The following OLFM2 variants were observed in gnomAD, a reference collection of about 807,000 sequenced individuals.
OLFM2 encodes the protein noelin-2.
In OLFM2, 20 loss-of-function variants were observed where a neutral mutation model predicts 43.9. That is an observed-to-expected ratio of 0.46 (90% confidence interval 0.32 to 0.66). The LOEUF is 0.66. Among genes scored for constraint, OLFM2 ranks in the 30% least tolerant of loss-of-function variants. The probability of loss-of-function intolerance (pLI) is 0.04; values close to 1 mark genes in which losing one functional copy is unlikely to be tolerated. For synonymous variants in OLFM2, 268 were observed against 278.6 expected (o/e 0.96, Z 0.38); for missense variants, 416 against 643.6 (o/e 0.65, Z 3.83).
intron 1 of OLFM2, among the ~76,000 whole-genome samples, chr19:9,884,032 C>T (rs1480352581): frequency 2.8e-4 from 42 of 152,046 alleles, no homozygotes; most frequent in Admixed American, 2.8e-3. Flanking sequence ...CTTTGGGAGG[C>T]CGGGGTGAAA....
At position 9,860,772 on chromosome 19, in the gene OLFM2, T is replaced by C; in HGVS notation, c.86A>G (p.Glu29Gly). 6.2e-7 allele frequency: 1 copy of C among 1,608,428 alleles called. No individual in the cohort carries two copies. The highest frequency in any genetic ancestry group is 8.5e-7 in the Non-Finnish European group (1 of 1,178,382). ...GGCTGAGGTGTACAGCTGCCAGCCC[T>C]CTTCTGGGTTCTGGAAGAGAGTCTG... ...AGQTLFQNPEEGWQLYTSAQA... is the reference protein window; with the variant it reads ...AGQTLFQNPEGGWQLYTSAQA... The change falls in exon 2 of 6, where the codon GAG (glutamate) becomes GGG (glycine). Residue 29 changes from glutamate (E) to glycine (G), a missense_variant. Coordinates refer to ENST00000264833, the MANE Select transcript of OLFM2 (RefSeq NM_058164.4).
At chr19:9,932,564 C>G (rs1484802203) in intron 1 of OLFM2, among the ~76,000 whole-genome samples, 1 of 151,912 alleles carries the variant, frequency 6.6e-6, no homozygotes, top group Non-Finnish European at 1.5e-5. Flanking sequence ...GGGTGAGCCT[C>G]TTGGAGGAGG....
chr19:9,869,422 TTCGC>T (rs924415543), intron 1 of OLFM2, among the ~76,000 whole-genome samples: 32 of 152,248 alleles, frequency 2.1e-4, no homozygotes, highest in African/African-American at 7.7e-4. Context: ...GGCTTCACCA[TTCGC>T]TTGCTGTGTG....
intron 1 of OLFM2, among the ~76,000 whole-genome samples, chr19:9,920,897 A>T (rs2086415180): frequency 6.7e-6 from 1 of 149,830 alleles, no homozygotes; most frequent in Admixed American, 6.7e-5. Flanking sequence ...ACAGAGTGAG[A>T]CTCCATCTTG....
In OLFM2 at chr19:9,857,919, A is replaced by G; in HGVS notation, c.214-58T>C. 1 of 1,608,424 alleles carries G rather than the reference A, an allele frequency of 6.2e-7. No individual in the cohort carries two copies. The highest frequency in any genetic ancestry group is 8.5e-7 in the Non-Finnish European group (1 of 1,176,398). On this transcript the variant is annotated intron_variant, in intron 2 of 5. Transcript: ENST00000264833. The surrounding 1 kb of genome is among the most constrained non-coding windows in gnomAD (Gnocchi z 5.7). ...TCCTTCCCCAAATCCCAACCCAGAG[A>G]TGCCACAGACAAGAGCTGGCAGGAA...
At chr19:9,858,439 A>G (rs1599464389) in intron 2 of OLFM2, among the ~76,000 whole-genome samples, 1 of 151,788 alleles carries the variant, frequency 6.6e-6, no homozygotes, top group Non-Finnish European at 1.5e-5. Flanking sequence ...GTAGCCGCTC[A>G]CTCACTCTCC....
At position 9,857,241 on chromosome 19, in the gene OLFM2, A is replaced by G; in HGVS notation, c.580+22T>C. On this transcript the variant is annotated intron_variant, in intron 4 of 5. Transcript: ENST00000264833. This position sits in a 1 kb window ranked among gnomAD's most constrained non-coding sequence, Gnocchi z 5.7. ...GTGTGGCAGTCAGAGATCAGGGGTCAGGGTCAAGGGCCAAGGCATACCCAG... is the reference window on the plus strand; with the variant it reads ...GTGTGGCAGTCAGAGATCAGGGGTCGGGGTCAAGGGCCAAGGCATACCCAG... 6.2e-7 allele frequency: 1 copy of G among 1,606,632 alleles called. No individual in the cohort carries two copies. Among genetic ancestry groups the G allele is most frequent in the Non-Finnish European group, 8.5e-7 (1 of 1,174,448 alleles).
intron 1 of OLFM2, among the ~76,000 whole-genome samples, chr19:9,878,386 T>C (rs943622015): frequency 3.2e-4 from 41 of 130,054 alleles, no homozygotes; most frequent in Middle Eastern, 4.1e-3. Context: ...TCTCTCTTTT[T>C]TTTTTTTTTT....
At chr19:9,891,353 A>G (rs2046638390) in intron 1 of OLFM2, among the ~76,000 whole-genome samples, 1 of 147,272 alleles carries the variant, frequency 6.8e-6, no homozygotes, top group East Asian at 2.0e-4. Flanking sequence ...GGCCAGGCAC[A>G]GTGGCTCACA....
chr19:9,867,428 G>A (rs1427726936), intron 1 of OLFM2, among the ~76,000 whole-genome samples: 1 of 152,230 alleles, frequency 6.6e-6, no homozygotes, highest in Non-Finnish European at 1.5e-5. Flanking sequence ...CCCTGGGGAC[G>A]GAGGCATTGC....
At chr19:9,894,130 T>C (rs1280627416) in intron 1 of OLFM2, among the ~76,000 whole-genome samples, 1 of 151,846 alleles carries the variant, frequency 6.6e-6, no homozygotes, top group Non-Finnish European at 1.5e-5. Context: ...CCATATCTAC[T>C]AAAAATACAA....
intron 1 of OLFM2, among the ~76,000 whole-genome samples, chr19:9,922,043 G>A (rs894676722): frequency 1.3e-5 from 2 of 150,846 alleles, no homozygotes; most frequent in African/African-American, 2.4e-5. Flanking sequence ...GCAGTGAGCC[G>A]TAATTGCACC....
At chr19:9,880,248 G>A (rs185559181) in intron 1 of OLFM2, among the ~76,000 whole-genome samples, 141 of 152,268 alleles carry the variant, frequency 9.3e-4, no homozygotes, top group African/African-American at 3.3e-3. Context: ...GAGTCAGCAT[G>A]GGCAAAGGCA....
Position 9,857,971 on chromosome 19 carries a change from C to T in OLFM2, c.214-110G>A. On this transcript the variant is annotated intron_variant, in intron 2 of 5. Coordinates refer to ENST00000264833, the MANE Select transcript of OLFM2 (RefSeq NM_058164.4). The surrounding 1 kb of genome is among the most constrained non-coding windows in gnomAD (Gnocchi z 5.7). Reference sequence around the variant, plus strand: ...AGAGGCTGTACAAACACCACACCGACGAGGCCACCTTCTCCTCCCCTGAGC... The same window carrying T: ...AGAGGCTGTACAAACACCACACCGATGAGGCCACCTTCTCCTCCCCTGAGC... 1.1e-5 allele frequency: 15 copies of T among 1,369,062 alleles called. No homozygotes were observed. The highest frequency in any genetic ancestry group is 2.4e-5 in the East Asian group (1 of 42,026). 84.8% of individuals were successfully genotyped at this position (1,369,062 alleles called of 1,614,324 possible).
chr19:9,928,418 C>T (rs1264444062), intron 1 of OLFM2, among the ~76,000 whole-genome samples: 2 of 152,048 alleles, frequency 1.3e-5, no homozygotes, highest in African/African-American at 4.8e-5. Flanking sequence ...TTAAGCAAGG[C>T]TAGTTACTAG....
chr19:9,853,742 T>C lies in OLFM2; in HGVS notation c.*444A>G. On this transcript the variant is annotated 3_prime_UTR_variant, in exon 6 of 6. Coordinates refer to ENST00000264833, the MANE Select transcript of OLFM2 (RefSeq NM_058164.4). ...GTCAAATGTCAAAGGTCCTGTTTAT[T>C]CCGGCAAACCGGAAAGAAAAAGTGT... 1 of 408,520 alleles carries C rather than the reference T, an allele frequency of 2.4e-6. No individual in the cohort carries two copies. Among genetic ancestry groups the C allele is most frequent in the Non-Finnish European group, 4.2e-6 (1 of 236,614 alleles). The allele number at this position is 408,520 out of a possible 1,614,324, so 25.3% of individuals were successfully genotyped here. A position where few individuals can be genotyped will look rare whatever the true frequency, so the allele number is the denominator to read the frequency against.
intron 1 of OLFM2, among the ~76,000 whole-genome samples, chr19:9,886,070 C>G (rs1464418048): frequency 6.7e-6 from 1 of 149,536 alleles, no homozygotes; most frequent in Non-Finnish European, 1.5e-5. Context: ...GCACTCCAGC[C>G]TGGGCAACGG....
In OLFM2 at chr19:9,936,452, G is replaced by T. The variant is rs2086515704; in HGVS notation, c.-86C>A. On this transcript the variant is annotated 5_prime_UTR_variant, in exon 1 of 6. Coordinates refer to ENST00000264833, the MANE Select transcript of OLFM2 (RefSeq NM_058164.4). ...ACCGCCACCAGGCGCGACCCCGCCC[G>T]CCCGGCCGGGGCGACCCTGCGCCGC... 1.0e-6 allele frequency: 1 copy of T among 976,420 alleles called. No homozygotes were observed. Among genetic ancestry groups the T allele is most frequent in the African/African-American group, 1.8e-5 (1 of 55,288 alleles). The allele number at this position is 976,420 out of a possible 1,614,324, so 60.5% of individuals were successfully genotyped here. A position where few individuals can be genotyped will look rare whatever the true frequency, so the allele number is the denominator to read the frequency against.
chr19:9,890,357 G>A (rs2046627949), intron 1 of OLFM2, among the ~76,000 whole-genome samples: 1 of 152,164 alleles, frequency 6.6e-6, no homozygotes, highest in South Asian at 2.1e-4. Flanking sequence ...CTGAAGCTAA[G>A]GGAAGACTCT....
Sources: allele counts gnomAD v4.1 joint callset (sites outside exome capture counted in the v4.1 genomes callset), GRCh38; gene constraint gnomAD v4.1.1; non-coding constraint Gnocchi (gnomAD v3.1); transcripts MANE v1.5; gene names NCBI Gene and HGNC (gene_info 2026-07-23, HGNC 2026-07-21).